The following CEBPG variants were observed in gnomAD, a reference collection of about 807,000 sequenced individuals.
CEBPG encodes CCAAT/enhancer-binding protein gamma.
CEBPG carries 6 observed loss-of-function variants against 11.1 expected under a neutral mutation model. The ratio of observed to expected loss-of-function variants is 0.54; its 90% CI spans 0.30 to 1.07. The LOEUF (loss-of-function observed/expected upper bound fraction) is 1.07. Among genes scored for constraint, CEBPG ranks in the 50% least tolerant of loss-of-function variants. The pLI is 0.07. For synonymous variants in CEBPG, 66 were observed against 71.0 expected, an observed-to-expected ratio of 0.93 and a Z score of 0.36; for missense variants, 161 against 187.4, an observed-to-expected ratio of 0.86 and a Z score of 0.82.
rs942150340 is a variant in CEBPG, at chr19:33,381,039, A to G, written c.*1347A>G. On this transcript the variant is annotated 3_prime_UTR_variant, in exon 2 of 2. Coordinates refer to ENST00000284000, the MANE Select transcript of CEBPG (RefSeq NM_001806.4). ...GCTTACGTCAGTGTTGGTAGTTTAG[A>G]TTGTCTTTGTCAACGTTTTTTCTTC... 6.0e-6 allele frequency: 1 copy of G among 166,910 alleles called. No homozygotes were observed. The highest frequency in any genetic ancestry group is 2.4e-5 in the African/African-American group (1 of 41,424). 10.3% of individuals were successfully genotyped at this position (166,910 alleles called of 1,614,324 possible).
chr19:33,379,968 T>C lies in CEBPG; in HGVS notation c.*276T>C. On this transcript the variant is annotated 3_prime_UTR_variant, in exon 2 of 2. Coordinates refer to ENST00000284000, the MANE Select transcript of CEBPG (RefSeq NM_001806.4). ...AAAAGAAATATCTGGGATCCCGATG[T>C]TCTTAATAAATCCTGACTTCCCAAG... is the stretch of plus-strand genomic sequence containing the variant. 1 of 303,896 alleles carries C rather than the reference T, an allele frequency of 3.3e-6. No homozygotes were observed. The highest frequency in any genetic ancestry group is 6.4e-6 in the Non-Finnish European group (1 of 156,738). The allele number at this position is 303,896 out of a possible 1,614,324, so 18.8% of individuals were successfully genotyped here.
intron 1 of CEBPG, among the ~76,000 whole-genome samples, chr19:33,375,892 G>A (rs1426469533): frequency 6.6e-6 from 1 of 152,200 alleles, no homozygotes; most frequent in African/African-American, 2.4e-5. Context: ...TGGAGCCAGA[G>A]ATGAATTTTC....
chr19:33,379,704 T>A lies in CEBPG; in HGVS notation c.*12T>A, dbSNP rs1275377501. 3 of 1,592,990 alleles carry A rather than the reference T, an allele frequency of 1.9e-6. No individual in the cohort carries two copies. The highest frequency in any genetic ancestry group is 1.7e-6 in the Non-Finnish European group (2 of 1,166,678). ...ATGCAGGACAGTAGACCTCACCCTT[T>A]CCAGACTTTAGAGCTTGTGGCTTGA... is the stretch of plus-strand genomic sequence containing the variant. On this transcript the variant is annotated 3_prime_UTR_variant, in exon 2 of 2. Transcript: ENST00000284000.
chr19:33,377,587 A>G (rs57304256), intron 1 of CEBPG, among the ~76,000 whole-genome samples: 4,802 of 152,324 alleles, frequency 0.032, 255 homozygotes, highest in African/African-American at 0.11. Flanking sequence ...GTGGCACTAA[A>G]TGTGGCTCAG....
chr19:33,374,475 G>C (rs927717309), intron 1 of CEBPG: 2 of 152,224 alleles, frequency 1.3e-5, no homozygotes, highest in Admixed American at 1.3e-4. Flanking sequence ...CTTCTTTGTG[G>C]AGCTGTTGGA....
chr19:33,379,690 T>G lies in CEBPG; in HGVS notation c.451T>G (p.Ter151GluextTer27). 1 of 1,603,954 alleles carries G rather than the reference T, an allele frequency of 6.2e-7. No individual in the cohort carries two copies. The highest frequency in any genetic ancestry group is 2.2e-5 in the East Asian group (1 of 44,550). ...TTADGDNAGQ[*>E] The stretch of plus-strand genomic sequence containing the variant: ...AGCAGATGGCGACAATGCAGGACAG[T>G]AGACCTCACCCTTTCCAGACTTTAG... The change falls in exon 2 of 2, where the codon TAG (stop) becomes GAG (glutamate). Residue 151 changes from the stop codon to glutamate, a stop_lost. Coordinates refer to ENST00000284000, the MANE Select transcript of CEBPG (RefSeq NM_001806.4).
Position 33,379,679 on chromosome 19 carries a change from A to T in CEBPG, c.440A>T (p.Asn147Ile), listed in dbSNP as rs757139623. 1 of 1,611,038 alleles carries T rather than the reference A, an allele frequency of 6.2e-7. No homozygotes were observed. Among genetic ancestry groups the T allele is most frequent in the African/African-American group, 1.3e-5 (1 of 74,910 alleles). ...GAAAATACGACAGCAGATGGCGACAATGCAGGACAGTAGACCTCACCCTTT... is the reference window on the plus strand; with the variant it reads ...GAAAATACGACAGCAGATGGCGACATTGCAGGACAGTAGACCTCACCCTTT... ...STENTTADGD[N>I]AGQ The change falls in exon 2 of 2, where the codon AAT becomes ATT. Residue 147 changes from asparagine to isoleucine, a missense_variant. Asn to Ile is a moderately radical substitution (Grantham distance 149, BLOSUM62 -3). Transcript: ENST00000284000.
intron 1 of CEBPG, among the ~76,000 whole-genome samples, chr19:33,375,912 A>G (rs554575123): frequency 6.6e-6 from 1 of 152,292 alleles, no homozygotes; most frequent in Admixed American, 6.5e-5. Context: ...CACCAGGAGA[A>G]TGACTCACTC....
chr19:33,378,764 TC>T (rs1393457165), intron 1 of CEBPG, among the ~76,000 whole-genome samples: 1 of 152,050 alleles, frequency 6.6e-6, no homozygotes, highest in East Asian at 1.9e-4. Flanking sequence ...TGGAAACTTT[TC>T]CCCCCTTTCA....
chr19:33,378,740 A>G (rs1967944899), intron 1 of CEBPG, among the ~76,000 whole-genome samples: 1 of 152,126 alleles, frequency 6.6e-6, no homozygotes, highest in Non-Finnish European at 1.5e-5. Context: ...TTCTGTTTTG[A>G]CTTGAACCAA....
rs1967996424 is a variant in CEBPG at position 33,382,037 on chromosome 19, CTT to C, written c.*2348_*2349del. On this transcript the variant is annotated 3_prime_UTR_variant, in exon 2 of 2. Transcript: ENST00000284000. ...TAGAGCTTCGGGAATTGTGAGGTGA[CTT>C]TTGTAACTTTTGTTCTGTGTGTGAC... 6.0e-6 allele frequency: 1 copy of C among 167,102 alleles called. No individual in the cohort carries two copies. Among genetic ancestry groups the C allele is most frequent in the Non-Finnish European group, 1.5e-5 (1 of 68,130 alleles). 10.4% of individuals were successfully genotyped at this position (167,102 alleles called of 1,614,324 possible).
At position 33,382,465 on chromosome 19, in the gene CEBPG, C is replaced by T. The variant is rs76648333; in HGVS notation, c.*2773C>T. 2,742 of 167,206 alleles carry T rather than the reference C, an allele frequency of 0.016. 36 individuals are homozygous for T. Among genetic ancestry groups the T allele is most frequent in the Non-Finnish European group, 0.028 (1,912 of 68,110 alleles). The allele number at this position is 167,206 out of a possible 1,614,324, so 10.4% of individuals were successfully genotyped here. ...CCTTGTACCTGAACAACCCATTTTG[C>T]ACTCAGTGCTTTCTGATGCCTTAGG... is the stretch of plus-strand genomic sequence containing the variant. On this transcript the variant is annotated 3_prime_UTR_variant, in exon 2 of 2. Coordinates refer to ENST00000284000, the MANE Select transcript of CEBPG (RefSeq NM_001806.4).
rs900699445 is a variant in CEBPG, at chr19:33,373,887, G to C, written c.-105G>C. 8 of 151,906 alleles carry C rather than the reference G, an allele frequency of 5.3e-5. No individual in the cohort carries two copies. The highest frequency in any genetic ancestry group is 1.7e-4 in the African/African-American group (7 of 41,376). 9.4% of individuals were successfully genotyped at this position (151,906 alleles called of 1,614,324 possible). On this transcript the variant is annotated 5_prime_UTR_variant, in exon 1 of 2. Transcript: ENST00000284000. ...AGGCCGCCTGGGGGCAGGCGGGCTAGAGGAGCAGGTAAGGAGGCTGCGGCG... is the reference window on the plus strand; with the variant it reads ...AGGCCGCCTGGGGGCAGGCGGGCTACAGGAGCAGGTAAGGAGGCTGCGGCG...
In CEBPG at chr19:33,379,707, A is replaced by G. The variant is rs778134420; in HGVS notation, c.*15A>G. On this transcript the variant is annotated 3_prime_UTR_variant, in exon 2 of 2. Transcript: ENST00000284000. ...CAGGACAGTAGACCTCACCCTTTCC[A>G]GACTTTAGAGCTTGTGGCTTGAATG... The G allele has an allele frequency of 2.1e-5, 34 of 1,589,914 alleles. No homozygotes were observed. Among genetic ancestry groups the G allele is most frequent in the Non-Finnish European group, 2.9e-5 (34 of 1,165,088 alleles).
intron 1 of CEBPG, 122 bp downstream of exon 1, chr19:33,374,017 GCCCGGGA>G (rs1967878569): frequency 6.6e-6 from 1 of 150,620 alleles, no homozygotes; most frequent in Admixed American, 6.6e-5. Flanking sequence ...CGGCCCGCTG[GCCCGGGA>G]AGGCCACGCG....
Position 33,378,256 on chromosome 19 carries a change from C to G in CEBPG, c.-96-888C>G, listed in dbSNP as rs186970956. Among the ~76,000 whole-genome samples the G allele has an allele frequency of 3.9e-5, 6 of 152,262 alleles. No homozygotes were observed. The East Asian group carries it at 9.7e-4, about 24-fold the overall frequency. On this transcript the variant is annotated intron_variant, in intron 1 of 1. Transcript: ENST00000284000. ...GCAGCAGCACAGGGATGCTTCAGAG[C>G]TGGTGCGTCCTCCGAGCTCACACGA...
intron 1 of CEBPG, among the ~76,000 whole-genome samples, chr19:33,374,912 C>T (rs893671653): frequency 2.6e-5 from 4 of 152,082 alleles, no homozygotes; most frequent in African/African-American, 9.7e-5. Flanking sequence ...AAAGAAAATC[C>T]TATAAGGGCT....
chr19:33,382,037 C>T lies in CEBPG; in HGVS notation c.*2345C>T, dbSNP rs988181090. On this transcript the variant is annotated 3_prime_UTR_variant, in exon 2 of 2. Coordinates refer to ENST00000284000, the MANE Select transcript of CEBPG (RefSeq NM_001806.4). Reference sequence around the variant, plus strand: ...TAGAGCTTCGGGAATTGTGAGGTGACTTTTGTAACTTTTGTTCTGTGTGTG... The same window carrying T: ...TAGAGCTTCGGGAATTGTGAGGTGATTTTTGTAACTTTTGTTCTGTGTGTG... The T allele has an allele frequency of 6.0e-6, 1 of 167,102 alleles. No homozygotes were observed. Among genetic ancestry groups the T allele is most frequent in the African/African-American group, 2.4e-5 (1 of 41,464 alleles). 10.4% of individuals were successfully genotyped at this position (167,102 alleles called of 1,614,324 possible).
rs1227445301 is a variant in CEBPG, at chr19:33,382,226, CTGGCCCCTGCAATCAGTTGT to C, written c.*2538_*2557del. The C allele has an allele frequency of 6.0e-6, 1 of 167,126 alleles. No homozygotes were observed. Among genetic ancestry groups the C allele is most frequent in the African/African-American group, 2.4e-5 (1 of 41,472 alleles). 10.4% of individuals were successfully genotyped at this position (167,126 alleles called of 1,614,324 possible). On this transcript the variant is annotated 3_prime_UTR_variant, in exon 2 of 2. Transcript: ENST00000284000. Reference sequence around the variant, plus strand: ...GAGATCAGAGCAGCTCTTCCTGCTGCTGGCCCCTGCAATCAGTTGTTGGGATGCCAGTGCAGATCACTAAG... The same window carrying C: ...GAGATCAGAGCAGCTCTTCCTGCTGCTGGGATGCCAGTGCAGATCACTAAG...
Sources: allele counts gnomAD v4.1 joint callset (sites outside exome capture counted in the v4.1 genomes callset), GRCh38; gene constraint gnomAD v4.1.1; transcripts MANE v1.5; gene names NCBI Gene and HGNC (gene_info 2026-07-23, HGNC 2026-07-21).